ACAA1: variants seen among roughly 807,000 people sequenced by gnomAD.
ACAA1 encodes the protein 3-ketoacyl-CoA thiolase, peroxisomal.
Under a neutral mutation model 48.8 loss-of-function variants are expected in ACAA1, and 44 were observed. The observed-to-expected ratio is 0.90, with a 90% CI of 0.71 to 1.16. The LOEUF (loss-of-function observed/expected upper bound fraction) is 1.16, where lower values mean the gene tolerates loss of function less well. ACAA1 is among the 50% of genes most tolerant of loss of function. The pLI, the probability that ACAA1 is intolerant of heterozygous loss-of-function variation, is 0.00. For missense variants in ACAA1, 512 were observed against 562.3 expected (o/e 0.91, Z 0.90); for synonymous variants, 233 against 226.5 (o/e 1.03, Z -0.26).
chr3:38,132,547 T>C (rs573875261), intron 3 of ACAA1: 5 of 152,998 alleles, frequency 3.3e-5, no homozygotes, highest in African/African-American at 1.2e-4. Flanking sequence ...CTGATGGGCA[T>C]CATATATTCT....
intron 5 of ACAA1, among the ~76,000 whole-genome samples, chr3:38,131,049 C>T (rs1393270746): frequency 6.6e-6 from 1 of 152,214 alleles, no homozygotes; most frequent in Non-Finnish European, 1.5e-5. Flanking sequence ...TTTGCTGCAG[C>T]CAATGATGGA....
Position 38,131,926 on chromosome 3 carries a change from C to T in ACAA1, c.403G>A (p.Gly135Ser). ...SGLQAVASIA[G>S]GIRNGSYDIG... ...AGGCACCCACCCAGTCATAACTTACCTGCTATGCTGGCCACTGCCTGTAGC... is the reference window on the plus strand; with the variant it reads ...AGGCACCCACCCAGTCATAACTTACTTGCTATGCTGGCCACTGCCTGTAGC... The change falls in exon 4 of 12, where the codon GGT becomes AGT. Residue 135 changes from glycine to serine, a missense_variant and splice_region_variant. Gly to Ser is a moderately conservative substitution (Grantham distance 56). Coordinates refer to ENST00000333167, the MANE Select transcript of ACAA1 (RefSeq NM_001607.4). The T allele has an allele frequency of 6.2e-7, 1 of 1,613,494 alleles. No individual in the cohort carries two copies. Among genetic ancestry groups the T allele is most frequent in the Non-Finnish European group, 8.5e-7 (1 of 1,179,488 alleles).
rs931573113 is a variant in ACAA1, at chr3:38,122,727, C to G, written c.*320G>C. 7.5e-6 allele frequency: 10 copies of G among 1,336,492 alleles called. No individual in the cohort carries two copies. The Admixed American group carries it at 1.5e-4, about 20-fold the overall frequency. 82.8% of individuals were successfully genotyped at this position (1,336,492 alleles called of 1,614,324 possible). ...ACAGCCACTAAGATAAATTCATGCA[C>G]TTTTACTATGCCCATTGCACTTCTC... On this transcript the variant is annotated 3_prime_UTR_variant, in exon 12 of 12. Coordinates refer to ENST00000333167, the MANE Select transcript of ACAA1 (RefSeq NM_001607.4).
rs894624271 is a variant in ACAA1 at position 38,136,850 on chromosome 3, A to T, written c.171+15T>A. 2.5e-5 allele frequency: 38 copies of T among 1,514,264 alleles called. No homozygotes were observed. In the African/African-American group the frequency reaches 5.2e-4, roughly 21 times the overall value. The allele number at this position is 1,514,264 out of a possible 1,614,324, so 93.8% of individuals were successfully genotyped here. A position where few individuals can be genotyped will look rare whatever the true frequency, so the allele number is the denominator to read the frequency against. On this transcript the variant is annotated intron_variant, in intron 1 of 11. Coordinates refer to ENST00000333167, the MANE Select transcript of ACAA1 (RefSeq NM_001607.4). Reference sequence around the variant, plus strand: ...GCGTCTTCCCACACTCGGCGCCCAGACCCTCGGGCCTCACCTTGAAGCCGC... The same window carrying T: ...GCGTCTTCCCACACTCGGCGCCCAGTCCCTCGGGCCTCACCTTGAAGCCGC...
At chr3:38,135,635 GC>G (rs1048867943) in intron 2 of ACAA1, among the ~76,000 whole-genome samples, 17 of 152,140 alleles carry the variant, frequency 1.1e-4, no homozygotes, top group African/African-American at 4.1e-4. Flanking sequence ...ATTGCCGCCA[GC>G]ATGTCTCACC....
rs527905538 is a variant in ACAA1 at position 38,137,042 on chromosome 3, G to A, written c.-7C>T. 4.3e-5 allele frequency: 67 copies of A among 1,555,044 alleles called. 1 individual carries two copies. In the East Asian group the frequency reaches 1.4e-3, roughly 32 times the overall value. On this transcript the variant is annotated 5_prime_UTR_variant, in exon 1 of 12. Coordinates refer to ENST00000333167, the MANE Select transcript of ACAA1 (RefSeq NM_001607.4). ...CTACCTGCAGCCTCTGCATTGCGCA[G>A]GTCAACCCTGCAGACCAGCCACCAG...
intron 3 of ACAA1, 89 bp from the exon 4 acceptor site, chr3:38,132,094 T>C: frequency 8.3e-7 from 1 of 1,207,390 alleles, no homozygotes; most frequent in Non-Finnish European, 1.2e-6. Context: ...ACTGCCCCCC[T>C]CAAGGGATGT....
chr3:38,126,107 G>A lies in ACAA1; in HGVS notation c.997+55C>T. On this transcript the variant is annotated intron_variant, in intron 9 of 11. Transcript: ENST00000333167. The surrounding 1 kb of genome is among the most constrained non-coding windows in gnomAD (Gnocchi z 4.7). ...CTCATGCCCCTGGCAACAGCATGCA[G>A]GGCAGCTGCAGGATCCAGGTGGGAC... The A allele has an allele frequency of 6.3e-7, 1 of 1,580,794 alleles. No individual in the cohort carries two copies. Among genetic ancestry groups the A allele is most frequent in the Non-Finnish European group, 8.6e-7 (1 of 1,160,038 alleles).
chr3:38,133,794 G>C, intron 3 of ACAA1, 158 bp downstream of exon 3: 2 of 687,374 alleles, frequency 2.9e-6, no homozygotes, highest in Non-Finnish European at 5.2e-6. Context: ...CAAAGTAGGG[G>C]AGAGGTTGAG....
chr3:38,124,025 ATG>A (rs1700614883), intron 11 of ACAA1: 1 of 151,876 alleles, frequency 6.6e-6, no homozygotes, highest in Non-Finnish European at 1.5e-5. Flanking sequence ...AAAAAAAAAA[ATG>A]TACATTTTTA....
chr3:38,123,122 C>A lies in ACAA1; in HGVS notation c.1200G>T (p.Arg400Ser), dbSNP rs143586524. ...LLNELKRRGK[R>S]AYGVVSMCIG... ...TGCACATGGACACCACTCCGTATGCCCTGTGAAAACAAAACTTAATTGGCT... is the reference window on the plus strand; with the variant it reads ...TGCACATGGACACCACTCCGTATGCACTGTGAAAACAAAACTTAATTGGCT... The change falls in exon 12 of 12, where the codon AGG becomes AGT. Residue 400 changes from arginine to serine, a missense_variant and splice_region_variant. Coordinates refer to ENST00000333167, the MANE Select transcript of ACAA1 (RefSeq NM_001607.4). 2 of 1,614,008 alleles carry A rather than the reference C, an allele frequency of 1.2e-6. No individual in the cohort carries two copies. The highest frequency in any genetic ancestry group is 1.7e-6 in the Non-Finnish European group (2 of 1,180,008).
At position 38,123,012 on chromosome 3, in the gene ACAA1, A is replaced by G; in HGVS notation, c.*35T>C. ...ACTGCCTTGCTGCTAGAGCAGCAGG[A>G]CTGTCTGCGTAGCGCCTCCAGCCTG... On this transcript the variant is annotated 3_prime_UTR_variant, in exon 12 of 12. Transcript: ENST00000333167. 2 of 1,606,414 alleles carry G rather than the reference A, an allele frequency of 1.2e-6. No individual in the cohort carries two copies. Among genetic ancestry groups the G allele is most frequent in the Non-Finnish European group, 8.5e-7 (1 of 1,173,568 alleles).
At position 38,129,270 on chromosome 3, in the gene ACAA1, A is replaced by T. The variant is rs374142135; in HGVS notation, c.545+20T>A. 4 of 1,606,258 alleles carry T rather than the reference A, an allele frequency of 2.5e-6. No individual in the cohort carries two copies. The highest frequency in any genetic ancestry group is 2.6e-6 in the Non-Finnish European group (3 of 1,173,234). Reference sequence around the variant, plus strand: ...CCAGGCAGAGAGGGCACAAGCACACAGAGCTATGGGAGCACTCACCCCATA... The same window carrying T: ...CCAGGCAGAGAGGGCACAAGCACACTGAGCTATGGGAGCACTCACCCCATA... On this transcript the variant is annotated intron_variant, in intron 6 of 11. Transcript: ENST00000333167. This position sits in a 1 kb window ranked among gnomAD's most constrained non-coding sequence, Gnocchi z 5.3.
At chr3:38,125,422 G>T in intron 11 of ACAA1, 143 bp downstream of exon 11, 1 of 1,054,768 alleles carries the variant, frequency 9.5e-7, no homozygotes, top group Non-Finnish European at 1.3e-6. Context: ...GATCTTTTGG[G>T]ATTTCAACAT....
chr3:38,131,641 G>T lies in ACAA1; in HGVS notation c.404-3C>A. ...ATAAGACCCATTTCTGATGCCACCT[G>T]TAACAAAAGCATTTCATAAACATCC... is the stretch of plus-strand genomic sequence containing the variant. On this transcript the variant is annotated splice_region_variant and splice_polypyrimidine_tract_variant and intron_variant, in intron 4 of 11. Transcript: ENST00000333167. 2 of 1,614,172 alleles carry T rather than the reference G, an allele frequency of 1.2e-6. No individual in the cohort carries two copies. The highest frequency in any genetic ancestry group is 1.7e-6 in the Non-Finnish European group (2 of 1,179,998).
chr3:38,129,269 C>T lies in ACAA1; in HGVS notation c.545+21G>A, dbSNP rs1700738953. 1 of 1,604,518 alleles carries T rather than the reference C, an allele frequency of 6.2e-7. No individual in the cohort carries two copies. The highest frequency in any genetic ancestry group is 8.5e-7 in the Non-Finnish European group (1 of 1,171,842). On this transcript the variant is annotated intron_variant, in intron 6 of 11. Coordinates refer to ENST00000333167, the MANE Select transcript of ACAA1 (RefSeq NM_001607.4). The surrounding 1 kb of genome is among the most constrained non-coding windows in gnomAD (Gnocchi z 5.3). ...CCCAGGCAGAGAGGGCACAAGCACA[C>T]AGAGCTATGGGAGCACTCACCCCAT...
In ACAA1 at chr3:38,125,895, A is replaced by G; in HGVS notation, c.998-14T>C. 2 of 1,614,134 alleles carry G rather than the reference A, an allele frequency of 1.2e-6. No individual in the cohort carries two copies. Among genetic ancestry groups the G allele is most frequent in the Non-Finnish European group, 1.7e-6 (2 of 1,180,020 alleles). On this transcript the variant is annotated splice_polypyrimidine_tract_variant and intron_variant, in intron 9 of 11. Coordinates refer to ENST00000333167, the MANE Select transcript of ACAA1 (RefSeq NM_001607.4). ...TCACTGTCAGCCCTGCAGACAAGGTAAAGACCTGAGCTGACACACTGGCCC... is the reference window on the plus strand; with the variant it reads ...TCACTGTCAGCCCTGCAGACAAGGTGAAGACCTGAGCTGACACACTGGCCC...
intron 5 of ACAA1, among the ~76,000 whole-genome samples, chr3:38,130,697 G>T (rs1700769063): frequency 6.6e-6 from 1 of 152,248 alleles, no homozygotes; most frequent in Non-Finnish European, 1.5e-5. Flanking sequence ...CAGTAAGATA[G>T]AAGAGCATGA....
At position 38,129,027 on chromosome 3, in the gene ACAA1, TC is replaced by T. The variant is rs1700735217; in HGVS notation, c.545+262del. On this transcript the variant is annotated intron_variant, in intron 6 of 11. Coordinates refer to ENST00000333167, the MANE Select transcript of ACAA1 (RefSeq NM_001607.4). This position sits in a 1 kb window ranked among gnomAD's most constrained non-coding sequence, Gnocchi z 5.3. Reference sequence around the variant, plus strand: ...TTTGGAGTGGAGCTACCATTGTCCTTCCTATGACTGAGCACCTCAGTGTGGG... The same window carrying T: ...TTTGGAGTGGAGCTACCATTGTCCTTCTATGACTGAGCACCTCAGTGTGGG... Among the ~76,000 whole-genome samples, 1 of 152,178 alleles carries T rather than the reference TC, an allele frequency of 6.6e-6. No homozygotes were observed. The highest frequency in any genetic ancestry group is 2.4e-5 in the African/African-American group (1 of 41,430).
Sources: allele counts gnomAD v4.1 joint callset (sites outside exome capture counted in the v4.1 genomes callset), GRCh38; gene constraint gnomAD v4.1.1; non-coding constraint Gnocchi (gnomAD v3.1); transcripts MANE v1.5; gene names NCBI Gene and HGNC (gene_info 2026-07-23, HGNC 2026-07-21).